Variants in FBXO38 observed in about 807,000 individuals in gnomAD.
The protein encoded by FBXO38 is F-box only protein 38.
FBXO38 carries 53 observed loss-of-function variants against 131.9 expected under a neutral mutation model. That is an observed-to-expected ratio of 0.40 (90% CI 0.32 to 0.51). The LOEUF is 0.51. Ranked by LOEUF, FBXO38 falls within the 20% of genes least tolerant of loss-of-function variation. The probability of loss-of-function intolerance (pLI) is 0.53; values close to 1 mark genes in which losing one functional copy is unlikely to be tolerated. For synonymous variants in FBXO38, 452 were observed against 505.6 expected (o/e 0.89, Z 1.42); for missense variants, 1,076 against 1,475.6 (o/e 0.73, Z 4.44).
At chr5:148,417,441 A>G (rs1305677120) in intron 12 of FBXO38, among the ~76,000 whole-genome samples, 1 of 152,198 alleles carries the variant, frequency 6.6e-6, no homozygotes, top group Non-Finnish European at 1.5e-5. Flanking sequence ...AAGATTACAG[A>G]TGCCAGGGGA....
rs752365693 is a variant in FBXO38 at position 148,427,910 on chromosome 5, G to A, written c.2616G>A (p.Arg872=). 2.0e-6 allele frequency: 3 copies of A among 1,534,708 alleles called. No individual in the cohort carries two copies. The highest frequency in any genetic ancestry group is 8.7e-7 in the Non-Finnish European group (1 of 1,144,046). ...DYPRRPLTRA[R]SRLSHVLLVS... is the part of the protein sequence containing the mutation. ...CTCGGAGGCCCCTAACCAGGGCCAG[G>A]AGCAGACTGTCCCATGTACTGCTGG... The change falls in exon 15 of 22, where the codon AGG becomes AGA. Residue 872 remains arginine, a synonymous_variant. Transcript: ENST00000340253.
At position 148,438,372 on chromosome 5, in the gene FBXO38, T is replaced by G. The variant is rs148580014; in HGVS notation, c.2898T>G (p.Asn966Lys). ...CRVLKHLKVE[N>K]APIVNRFDYA... ...TACTAAAACATTTAAAGGTAGAAAA[T>G]GCACCAATTGTAAACCGATTTGACT... The change falls in exon 18 of 22, where the codon AAT (asparagine) becomes AAG (lysine). Residue 966 changes from asparagine to lysine, a missense_variant. Around this residue, in one of 8 missense-constraint regions of FBXO38, gnomAD observed 282 missense variants for 418.8 expected, o/e 0.67. Transcript: ENST00000340253. 1.9e-6 allele frequency: 3 copies of G among 1,613,896 alleles called. No individual in the cohort carries two copies. The highest frequency in any genetic ancestry group is 2.5e-6 in the Non-Finnish European group (3 of 1,179,926).
intron 1 of FBXO38, among the ~76,000 whole-genome samples, chr5:148,386,139 G>T (rs1385827055): frequency 1.3e-5 from 2 of 152,142 alleles, no homozygotes; most frequent in Non-Finnish European, 2.9e-5. Context: ...AAATTAAATG[G>T]ACCATAAATC....
In FBXO38 at chr5:148,438,449, G is replaced by C. The variant is rs1754475787; in HGVS notation, c.2975G>C (p.Arg992Thr). 6.2e-7 allele frequency: 1 copy of C among 1,614,014 alleles called. No homozygotes were observed. The highest frequency in any genetic ancestry group is 8.5e-7 in the Non-Finnish European group (1 of 1,179,920). Residue 992 changes from arginine to threonine, a missense_variant, in exon 18 of 22, where the codon AGA (arginine) becomes ACA (threonine). Physicochemically the swap from Arg to Thr is moderately conservative, Grantham distance 71 (BLOSUM62 -1). This residue lies in a region of FBXO38 where 282 missense variants were observed against 418.8 expected (regional missense o/e 0.67). Coordinates refer to ENST00000340253, the MANE Select transcript of FBXO38 (RefSeq NM_205836.3). The part of the protein sequence containing the change: ...NMDQVLDQIL[R>T]MPPERNRIIY... ...GATCAGGTACTAGACCAGATACTAA[G>C]AATGCCACCCGAGAGAAACCGCATC... is the stretch of plus-strand genomic sequence containing the variant.
chr5:148,416,628 T>C, intron 11 of FBXO38: 1 of 207,778 alleles, frequency 4.8e-6, no homozygotes, highest in Non-Finnish European at 9.8e-6. Flanking sequence ...TTATGTTCTC[T>C]CTTGTCAGTT....
At chr5:148,426,735 G>C (rs1285132340) in intron 14 of FBXO38, among the ~76,000 whole-genome samples, 1 of 152,188 alleles carries the variant, frequency 6.6e-6, no homozygotes, top group African/African-American at 2.4e-5. Flanking sequence ...CTTTACAGAA[G>C]TTCTAGTCTA....
chr5:148,409,321 T>G (rs1752620984), intron 8 of FBXO38, 104 bp downstream of exon 8: 1 of 739,612 alleles, frequency 1.4e-6, no homozygotes, highest in Non-Finnish European at 2.4e-6. Context: ...TGTGTACATT[T>G]GATCAAGCCT....
At chr5:148,393,685 G>C (rs1581223976) in intron 1 of FBXO38, among the ~76,000 whole-genome samples, 1 of 152,240 alleles carries the variant, frequency 6.6e-6, no homozygotes, top group East Asian at 1.9e-4. Flanking sequence ...AATGGGCCCA[G>C]AGTACATAAG....
intron 15 of FBXO38, among the ~76,000 whole-genome samples, chr5:148,429,209 G>A (rs1158461521): frequency 6.6e-6 from 1 of 152,078 alleles, no homozygotes; most frequent in East Asian, 1.9e-4. Context: ...TTATTTTTAT[G>A]CTGCGAAAGG....
Position 148,415,993 on chromosome 5 carries a change from T to C in FBXO38, c.1330T>C (p.Ser444Pro). 1.2e-6 allele frequency: 2 copies of C among 1,613,398 alleles called. No homozygotes were observed. Among genetic ancestry groups the C allele is most frequent in the Non-Finnish European group, 1.7e-6 (2 of 1,179,590 alleles). The change falls in exon 11 of 22, where the codon TCT becomes CCT. Residue 444 changes from serine (S) to proline (P), a missense_variant. Coordinates refer to ENST00000340253, the MANE Select transcript of FBXO38 (RefSeq NM_205836.3). ...LVRCHALKLD[S>P]FGQFIELLPS... ...ACGGTGCCATGCTTTGAAGCTGGAC[T>C]CTTTTGGCCAGTTTATTGAATTATT...
chr5:148,441,296 A>C, intron 21 of FBXO38, 59 bp downstream of exon 21: 1 of 1,210,828 alleles, frequency 8.3e-7, no homozygotes, highest in South Asian at 1.3e-5. Flanking sequence ...ACTGTGTTAC[A>C]TACTTAATAT....
Position 148,404,759 on chromosome 5 carries a change from CCA to C in FBXO38, c.670_671del (p.Gln224AlafsTer3). On this transcript the variant is annotated frameshift_variant, in exon 6 of 22. Transcript: ENST00000340253. LOFTEE classifies it high-confidence loss of function. Reference sequence around the variant, plus strand: ...TATGAAGTGGGTAAGACTCACTAAACCACAGCCATTTAAAGACTTCCTTTGTA... The same window carrying C: ...TATGAAGTGGGTAAGACTCACTAAACCAGCCATTTAAAGACTTCCTTTGTA... ...LYMKWVRLTK[P>X]QPFKDFLCIS... The C allele has an allele frequency of 6.2e-7, 1 of 1,607,558 alleles. No individual in the cohort carries two copies. The highest frequency in any genetic ancestry group is 8.5e-7 in the Non-Finnish European group (1 of 1,177,860).
At chr5:148,407,564 T>C (rs1752508370) in intron 7 of FBXO38, among the ~76,000 whole-genome samples, 1 of 152,162 alleles carries the variant, frequency 6.6e-6, no homozygotes, top group South Asian at 2.1e-4. Flanking sequence ...AAAGAAAATA[T>C]TGATAAATTG....
chr5:148,398,894 T>C (rs1241000495), intron 2 of FBXO38, 105 bp from the exon 3 acceptor site: 2 of 1,273,518 alleles, frequency 1.6e-6, no homozygotes. Context: ...TAAGATCTTA[T>C]TTCATTTGAG....
intron 19 of FBXO38, 133 bp from the exon 20 acceptor site, chr5:148,440,291 G>A (rs770598934): frequency 4.2e-5 from 26 of 625,552 alleles, no homozygotes; most frequent in Middle Eastern, 3.2e-4. Context: ...TCCTACTTCC[G>A]TTAGGTATTT....
chr5:148,434,849 T>A (rs1754253209), intron 17 of FBXO38: 1 of 152,342 alleles, frequency 6.6e-6, no homozygotes, highest in South Asian at 2.1e-4. Context: ...CCCAGCACTT[T>A]GGGAGGCTCT....
At chr5:148,400,054 A>G (rs1179437632) in intron 3 of FBXO38, among the ~76,000 whole-genome samples, 1 of 152,076 alleles carries the variant, frequency 6.6e-6, no homozygotes, top group Non-Finnish European at 1.5e-5. Flanking sequence ...CATCCTTTCA[A>G]GAGAGTCATC....
At chr5:148,431,102 C>T (rs1313908382) in intron 15 of FBXO38, among the ~76,000 whole-genome samples, 2 of 152,148 alleles carry the variant, frequency 1.3e-5, no homozygotes, top group Admixed American at 6.5e-5. Context: ...ACAGTCTCTG[C>T]TTTTTCACCA....
intron 21 of FBXO38, 32 bp downstream of exon 21, chr5:148,441,269 T>G: frequency 1.4e-6 from 2 of 1,464,086 alleles, no homozygotes; most frequent in Non-Finnish European, 1.9e-6. Flanking sequence ...ATCTATTCTC[T>G]AGTTTAAGTA....
Sources: gnomAD v4.1 joint callset for allele counts (sites outside exome capture counted in the v4.1 genomes callset) on GRCh38, gnomAD v4.1.1 for gene constraint, gnomAD v4.1.1 regional missense constraint, MANE v1.5 for transcripts, NCBI Gene and HGNC (gene_info 2026-07-23, HGNC 2026-07-21) for gene names.